Variants in TYW1B observed in about 807,000 individuals in gnomAD.
TYW1B encodes the protein tRNA-yW synthesizing protein 1 homolog B.
A neutral mutation model predicts 86.9 loss-of-function variants in TYW1B; 73 were observed. The ratio of observed to expected loss-of-function variants is 0.84; its 90% CI spans 0.70 to 1.02. TYW1B has a LOEUF of 1.02. TYW1B is among the 50% of genes least tolerant of loss of function. The pLI is 0.00. For missense variants in TYW1B, 637 were observed against 827.4 expected (o/e 0.77, Z 2.82); for synonymous variants, 248 against 292.8 (o/e 0.85, Z 1.56).
chr7:72,665,834 G>A (rs1397160559), intron 11 of TYW1B, among the ~76,000 whole-genome samples: 1 of 152,156 alleles, frequency 6.6e-6, no homozygotes, highest in Non-Finnish European at 1.5e-5. Context: ...TTTGTTGAGT[G>A]AATGAATACA....
intron 11 of TYW1B, among the ~76,000 whole-genome samples, chr7:72,639,065 ATAAAC>A (rs1364167730): frequency 6.6e-6 from 1 of 152,194 alleles, no homozygotes; most frequent in Non-Finnish European, 1.5e-5. Flanking sequence ...TACAAGAAGT[ATAAAC>A]AAAGTACAAT....
chr7:72,611,224 A>G (rs544015760), intron 13 of TYW1B, among the ~76,000 whole-genome samples: 1 of 152,220 alleles, frequency 6.6e-6, no homozygotes, highest in East Asian at 1.9e-4. Flanking sequence ...GCTCCATTCC[A>G]TTCTTCCATC....
chr7:72,750,525 A>G (rs1554464885), intron 7 of TYW1B, among the ~76,000 whole-genome samples: 1 of 152,150 alleles, frequency 6.6e-6, no homozygotes, highest in African/African-American at 2.4e-5. Context: ...GATTAGTTAT[A>G]TAAAGTATTG....
intron 7 of TYW1B, among the ~76,000 whole-genome samples, chr7:72,762,564 T>C (rs1181352426): frequency 6.6e-6 from 1 of 152,202 alleles, no homozygotes; most frequent in Non-Finnish European, 1.5e-5. Context: ...CTCTTGGCTT[T>C]TCTTGATATG....
chr7:72,812,186 T>G (rs1312895092), intron 3 of TYW1B, among the ~76,000 whole-genome samples: 1 of 151,718 alleles, frequency 6.6e-6, no homozygotes, highest in African/African-American at 2.4e-5. Flanking sequence ...ACCTTGGGGA[T>G]GTATCAAGTC....
intron 11 of TYW1B, among the ~76,000 whole-genome samples, chr7:72,660,828 G>A (rs772136740): frequency 2.6e-5 from 4 of 151,942 alleles, no homozygotes; most frequent in Non-Finnish European, 5.9e-5. Context: ...CCTTAAAAAT[G>A]CACTTTAGAA....
rs1554436943 is a variant in TYW1B, at chr7:72,616,729, T to A, written c.1728A>T (p.Glu576Asp). 2 of 1,614,258 alleles carry A rather than the reference T, an allele frequency of 1.2e-6. No homozygotes were observed. Among genetic ancestry groups the A allele is most frequent in the Admixed American group, 1.7e-5 (1 of 60,030 alleles). ...GTTCGTGTTCACATGCAATTTCATA[T>A]TCGGGGATCAGATCCACCAGCTCGC... is the stretch of plus-strand genomic sequence containing the variant. Reference protein sequence around the residue: ...FVRELVDLIPEYEIACEHEHS... With the variant: ...FVRELVDLIPDYEIACEHEHS... Residue 576 changes from glutamate (E) to aspartate (D), a missense_variant, in exon 13 of 14, where the codon GAA becomes GAT. Coordinates refer to ENST00000620995, the MANE Select transcript of TYW1B (RefSeq NM_001145440.3).
At chr7:72,624,326 A>G (rs1812290529) in intron 12 of TYW1B, among the ~76,000 whole-genome samples, 1 of 152,164 alleles carries the variant, frequency 6.6e-6, no homozygotes. Flanking sequence ...ATTAATAAAC[A>G]TTTCCCTCCC....
intron 13 of TYW1B, among the ~76,000 whole-genome samples, chr7:72,584,894 G>A (rs1257684769): frequency 9.2e-5 from 14 of 152,162 alleles, no homozygotes; most frequent in African/African-American, 1.2e-4. Flanking sequence ...GAGGGGAGCC[G>A]AAAGCTTTTT....
In TYW1B at chr7:72,694,722, G is replaced by T. The variant is rs1327575833; in HGVS notation, c.1471C>A (p.Gln491Lys). 2.5e-6 allele frequency: 4 copies of T among 1,613,374 alleles called. No individual in the cohort carries two copies. The highest frequency in any genetic ancestry group is 3.4e-6 in the Non-Finnish European group (4 of 1,179,874). Residue 491 changes from glutamine to lysine, a missense_variant, in exon 11 of 14, where the codon CAA becomes AAA. By Grantham distance (53) the Gln-to-Lys change is moderately conservative. Transcript: ENST00000620995. The stretch of plus-strand genomic sequence containing the variant: ...AAGGCTTTTAAACTGTCAAGGAATT[G>T]CTGCCAGAAATCCTTGAAGAGTGGG... The part of the protein sequence containing the change: ...DRPLFKDFWQ[Q>K]FLDSLKALAV...
Position 72,713,581 on chromosome 7 carries a change from T to C in TYW1B, c.1370+40A>G, listed in dbSNP as rs782523483. ...ATTAGTTTTACTTTGCAGTGAAACA[T>C]AGATTCAAGCAGCATCTCTCCATAG... is the stretch of plus-strand genomic sequence containing the variant. On this transcript the variant is annotated intron_variant, in intron 10 of 13. Coordinates refer to ENST00000620995, the MANE Select transcript of TYW1B (RefSeq NM_001145440.3). 4.5e-5 allele frequency: 69 copies of C among 1,530,754 alleles called. No homozygotes were observed. In the Admixed American group the frequency reaches 8.5e-4, roughly 19 times the overall value. 94.8% of individuals were successfully genotyped at this position (1,530,754 alleles called of 1,614,324 possible). A position where few individuals can be genotyped will look rare whatever the true frequency, so the allele number is the denominator to read the frequency against.
chr7:72,817,501 A>G (rs1221535791), intron 2 of TYW1B, among the ~76,000 whole-genome samples: 1 of 152,172 alleles, frequency 6.6e-6, no homozygotes, highest in Non-Finnish European at 1.5e-5. Flanking sequence ...CCCTCCAAAT[A>G]TCATTAACAC....
At position 72,734,630 on chromosome 7, in the gene TYW1B, G is replaced by A. The variant is rs1311645336; in HGVS notation, c.1083-5699C>T. Among the ~76,000 whole-genome samples, 3 of 152,098 alleles carry A rather than the reference G, an allele frequency of 2.0e-5. No homozygotes were observed. In the East Asian group the frequency reaches 5.8e-4, roughly 29 times the overall value. Reference sequence around the variant, plus strand: ...TAGGATGATATCAAACTAAAAAGCTGCTGCACTGCAAAGGAAACAATCAAC... The same window carrying A: ...TAGGATGATATCAAACTAAAAAGCTACTGCACTGCAAAGGAAACAATCAAC... On this transcript the variant is annotated intron_variant, in intron 8 of 13. Coordinates refer to ENST00000620995, the MANE Select transcript of TYW1B (RefSeq NM_001145440.3).
At chr7:72,575,992 G>A (rs1245628138) in intron 13 of TYW1B, among the ~76,000 whole-genome samples, 5 of 152,156 alleles carry the variant, frequency 3.3e-5, no homozygotes, top group South Asian at 2.1e-4. Context: ...AAGCAGTCCC[G>A]CTGACACAGG....
intron 12 of TYW1B, among the ~76,000 whole-genome samples, chr7:72,625,505 A>G (rs1204583870): frequency 2.7e-4 from 40 of 146,678 alleles, no homozygotes; most frequent in Admixed American, 8.8e-4. Context: ...TGCGTCTGTC[A>G]TCAAGCTACT....
intron 11 of TYW1B, among the ~76,000 whole-genome samples, chr7:72,693,715 T>C (rs1814232288): frequency 6.6e-6 from 1 of 151,976 alleles, no homozygotes; most frequent in Admixed American, 6.6e-5. Context: ...TCTTTTAAGG[T>C]GGTTACGTAC....
chr7:72,717,548 A>T (rs569093006), intron 9 of TYW1B, among the ~76,000 whole-genome samples: 1 of 152,194 alleles, frequency 6.6e-6, no homozygotes, highest in East Asian at 1.9e-4. Flanking sequence ...CCACTCCTGG[A>T]TCTCCTAGTT....
chr7:72,588,522 C>T (rs577921104), intron 13 of TYW1B, among the ~76,000 whole-genome samples: 89 of 152,222 alleles, frequency 5.8e-4, no homozygotes, highest in Middle Eastern at 3.4e-3. Context: ...CTCTTCTTCC[C>T]CTCCCTTCAC....
intron 11 of TYW1B, among the ~76,000 whole-genome samples, chr7:72,632,759 T>C (rs1301760543): frequency 6.6e-6 from 1 of 151,900 alleles, no homozygotes; most frequent in Non-Finnish European, 1.5e-5. Context: ...AAGTGCTTTG[T>C]AGCTTGGCAA....
Sources: gnomAD v4.1 joint callset for allele counts (sites outside exome capture counted in the v4.1 genomes callset) on GRCh38, gnomAD v4.1.1 for gene constraint, MANE v1.5 for transcripts, NCBI Gene and HGNC (gene_info 2026-07-23, HGNC 2026-07-21) for gene names.